Variants in ERCC8 observed in about 807,000 individuals in gnomAD.
The protein encoded by ERCC8 is DNA excision repair protein ERCC-8.
Under a neutral mutation model 54.9 loss-of-function variants are expected in ERCC8, and 52 were observed. The ratio of observed to expected loss-of-function variants is 0.95; its 90% CI spans 0.76 to 1.19. The LOEUF (loss-of-function observed/expected upper bound fraction) is 1.19, where lower values mean the gene tolerates loss of function less well. Ranked by LOEUF, ERCC8 falls within the 50% of genes most tolerant of loss-of-function variation. The pLI is 0.00. For synonymous variants in ERCC8, 146 were observed against 157.2 expected, an observed-to-expected ratio of 0.93 and a Z score of 0.53; for missense variants, 514 against 466.1, an observed-to-expected ratio of 1.10 and a Z score of -0.95.
chr5:60,887,380 A>T lies in ERCC8; in HGVS notation c.1122+60T>A. The T allele has an allele frequency of 5.1e-6, 7 of 1,385,226 alleles. No individual in the cohort carries two copies. In the South Asian group the frequency reaches 8.1e-5, roughly 16 times the overall value. 85.8% of individuals were successfully genotyped at this position (1,385,226 alleles called of 1,614,324 possible). A position where few individuals can be genotyped will look rare whatever the true frequency, so the allele number is the denominator to read the frequency against. On this transcript the variant is annotated intron_variant, in intron 11 of 11. Transcript: ENST00000676185. ...TTAAAAGTCTCTCTCACATAAAGTA[A>T]CAAAACATTATTTCTTAAGCTTTAG...
chr5:60,875,760 G>C (rs988789786), intron 11 of ERCC8, among the ~76,000 whole-genome samples: 1 of 151,942 alleles, frequency 6.6e-6, no homozygotes, highest in Admixed American at 6.6e-5. Context: ...GCAGTGGCGC[G>C]ATCTCCGCTC....
At chr5:60,876,368 GT>G (rs1748008083) in intron 11 of ERCC8, among the ~76,000 whole-genome samples, 1 of 152,196 alleles carries the variant, frequency 6.6e-6, no homozygotes. Context: ...ATAGCAGCAT[GT>G]TTTATAATCC....
intron 4 of ERCC8, 32 bp downstream of exon 4, chr5:60,918,232 CA>C (rs1455838834): frequency 6.5e-7 from 1 of 1,529,114 alleles, no homozygotes; most frequent in East Asian, 2.3e-5. Context: ...CTTTATCCTA[CA>C]AAGCAATCTG....
chr5:60,932,091 A>G (rs1749924328), intron 1 of ERCC8: 1 of 152,232 alleles, frequency 6.6e-6, no homozygotes, highest in Admixed American at 6.5e-5. Context: ...ATCCCATACT[A>G]AGTGAGAAAG....
At position 60,944,915 on chromosome 5, in the gene ERCC8, A is replaced by G. The variant is rs1476301606; in HGVS notation, c.77+17T>C. The G allele has an allele frequency of 6.2e-7, 1 of 1,603,938 alleles. No individual in the cohort carries two copies. On this transcript the variant is annotated intron_variant, in intron 1 of 11. Transcript: ENST00000676185. Reference sequence around the variant, plus strand: ...ATTCTAACTGGCCTGTTAGCCAAAAAGTAAGGTTTTCTTTACCTCCGTGTT... The same window carrying G: ...ATTCTAACTGGCCTGTTAGCCAAAAGGTAAGGTTTTCTTTACCTCCGTGTT...
intron 11 of ERCC8, among the ~76,000 whole-genome samples, chr5:60,884,933 T>C (rs1561496137): frequency 1.3e-5 from 2 of 152,144 alleles, no homozygotes; most frequent in South Asian, 2.1e-4. Context: ...ATTTCTCATA[T>C]ACAAAAGTTT....
At chr5:60,886,863 C>A (rs1049937689) in intron 11 of ERCC8, among the ~76,000 whole-genome samples, 4 of 151,882 alleles carry the variant, frequency 2.6e-5, no homozygotes, top group African/African-American at 9.6e-5. Flanking sequence ...CAGATATTTA[C>A]CTTGATGTTT....
At position 60,866,643 on chromosome 5, in the gene ERCC8, T is replaced by G. The variant is rs2112443574; in HGVS notation, c.*7972A>C. On this transcript the variant is annotated 3_prime_UTR_variant, in exon 12 of 12. Transcript: ENST00000676185. ...AAAATTCATTCCATTAGAATTTGAG[T>G]GTTCACTCAGTATTAAGACAATTCA... 1 of 152,338 alleles carries G rather than the reference T, an allele frequency of 6.6e-6. No individual in the cohort carries two copies. Among genetic ancestry groups the G allele is most frequent in the African/African-American group, 2.4e-5 (1 of 41,578 alleles). The allele number at this position is 152,338 out of a possible 1,614,324, so 9.4% of individuals were successfully genotyped here.
chr5:60,873,006 C>T lies in ERCC8; in HGVS notation c.*1609G>A, dbSNP rs1747896284. The stretch of plus-strand genomic sequence containing the variant: ...AAGTAGAGAGTAGAATGGTGGTTAC[C>T]AGGAGCTAGGGTTGTTGGAGAAACA... On this transcript the variant is annotated 3_prime_UTR_variant, in exon 12 of 12. Transcript: ENST00000676185. 6.6e-6 allele frequency among the ~76,000 whole-genome samples: 1 copy of T among 152,004 alleles called. No individual in the cohort carries two copies.
intron 10 of ERCC8, 142 bp from the exon 11 acceptor site, chr5:60,887,662 G>T: frequency 1.5e-6 from 1 of 682,940 alleles, no homozygotes; most frequent in African/African-American, 1.8e-5. Flanking sequence ...GGCCAATGCT[G>T]TTTTTCCTTT....
chr5:60,887,888 C>A (rs1748442868), intron 10 of ERCC8, among the ~76,000 whole-genome samples: 1 of 152,140 alleles, frequency 6.6e-6, no homozygotes, highest in East Asian at 1.9e-4. Context: ...AGTGAAGAAA[C>A]CATATGAGCG....
chr5:60,935,056 T>C (rs557527972), intron 1 of ERCC8, among the ~76,000 whole-genome samples: 1 of 152,338 alleles, frequency 6.6e-6, no homozygotes, highest in South Asian at 2.1e-4. Flanking sequence ...AGGCTCTTTT[T>C]TCCTAGTTCT....
At chr5:60,876,847 G>A (rs1231216923) in intron 11 of ERCC8, among the ~76,000 whole-genome samples, 1 of 152,104 alleles carries the variant, frequency 6.6e-6, no homozygotes, top group Admixed American at 6.5e-5. Context: ...TCACTCTGAT[G>A]GTAGTTTCTT....
intron 4 of ERCC8, among the ~76,000 whole-genome samples, chr5:60,912,709 TATG>T (rs1467793280): frequency 3.9e-5 from 6 of 152,150 alleles, no homozygotes; most frequent in African/African-American, 1.4e-4. Flanking sequence ...GCCCATTCAG[TATG>T]ATATTGGCTG....
At chr5:60,912,006 A>ATAGGATTGAAGGAACAAG (rs1325564736) in intron 4 of ERCC8, among the ~76,000 whole-genome samples, 1 of 152,098 alleles carries the variant, frequency 6.6e-6, no homozygotes, top group African/African-American at 2.4e-5. Context: ...CTGGTAGTAC[A>ATAGGATTGAAGGAACAAG]GTTTGAAGTC....
intron 4 of ERCC8, among the ~76,000 whole-genome samples, chr5:60,905,153 C>T (rs1200529167): frequency 6.6e-6 from 1 of 152,166 alleles, no homozygotes; most frequent in Admixed American, 6.5e-5. Context: ...TCTCCACCCA[C>T]CCTGGTGGGG....
intron 2 of ERCC8, among the ~76,000 whole-genome samples, chr5:60,926,344 G>A (rs966609791): frequency 1.3e-5 from 2 of 152,024 alleles, no homozygotes; most frequent in Non-Finnish European, 2.9e-5. Context: ...CCTTTAAATG[G>A]TGTGTGTAAT....
intron 4 of ERCC8, among the ~76,000 whole-genome samples, chr5:60,906,687 C>T (rs1435741548): frequency 6.6e-6 from 1 of 151,902 alleles, no homozygotes; most frequent in African/African-American, 2.4e-5. Flanking sequence ...TAAGATCACG[C>T]CACTACACTA....
chr5:60,910,900 T>C (rs1749238042), intron 4 of ERCC8, among the ~76,000 whole-genome samples: 1 of 152,166 alleles, frequency 6.6e-6, no homozygotes, highest in African/African-American at 2.4e-5. Context: ...CAGTACAATG[T>C]TGAACAGAGG....
Sources: gnomAD v4.1 joint callset for allele counts (sites outside exome capture counted in the v4.1 genomes callset) on GRCh38, gnomAD v4.1.1 for gene constraint, MANE v1.5 for transcripts, NCBI Gene and HGNC (gene_info 2026-07-23, HGNC 2026-07-21) for gene names.